MYO1H: variants seen among roughly 807,000 people sequenced by gnomAD.
MYO1H encodes myosin IH.
A neutral mutation model predicts 149.3 loss-of-function variants in MYO1H; 118 were observed. That is an observed-to-expected ratio of 0.79 (90% confidence interval 0.68 to 0.92). The LOEUF is 0.92. Ranked by LOEUF, MYO1H falls within the 40% of genes least tolerant of loss-of-function variation. MYO1H has a pLI of 0.00. For synonymous variants in MYO1H, 447 were observed against 465.2 expected (o/e 0.96, Z 0.50); for missense variants, 1,212 against 1,280.7 (o/e 0.95, Z 0.82).
chr12:109,385,589 C>T (rs1357432705), intron 1 of MYO1H, among the ~76,000 whole-genome samples: 1 of 152,196 alleles, frequency 6.6e-6, no homozygotes, highest in Non-Finnish European at 1.5e-5. Context: ...CTACCACGCC[C>T]AGCCTGAAAT....
At chr12:109,320,802 A>G in the MYO1H span, among the ~76,000 whole-genome samples, 1 of 152,072 alleles carries the variant, frequency 6.6e-6, no homozygotes, top group African/African-American at 2.4e-5. Context: ...GTTAAAGAAG[A>G]TCCTCGGCTG....
the MYO1H span, among the ~76,000 whole-genome samples, chr12:109,339,316 G>A: frequency 2.6e-5 from 4 of 152,160 alleles, no homozygotes; most frequent in African/African-American, 9.7e-5. Context: ...AATGAGCCAA[G>A]ATAGCACCAT....
chr12:109,325,909 T>C, the MYO1H span, among the ~76,000 whole-genome samples: 1 of 152,138 alleles, frequency 6.6e-6, no homozygotes, highest in African/African-American at 2.4e-5. Flanking sequence ...TATTAAAAAG[T>C]CAGGAAACAA....
upstream of MYO1H, among the ~76,000 whole-genome samples, chr12:109,343,349 C>T (rs1295622145): frequency 6.6e-6 from 1 of 152,052 alleles, no homozygotes; most frequent in African/African-American, 2.4e-5. Flanking sequence ...ATCAACAAAA[C>T]GAAATCATGT....
intron 14 of MYO1H, among the ~76,000 whole-genome samples, chr12:109,413,217 T>A (rs1280039552): frequency 6.6e-6 from 1 of 152,062 alleles, no homozygotes; most frequent in Non-Finnish European, 1.5e-5. Context: ...TCAAGTGATC[T>A]GCCCACCTCA....
At position 109,406,042 on chromosome 12, in the gene MYO1H, C is replaced by G. The variant is rs1360200452; in HGVS notation, c.963+7C>G. ...GATCAAGTGGATAGCCAAGGTGATG[C>G]TCCTCTTTTGGAGAGGACAGAAGGA... is the stretch of plus-strand genomic sequence containing the variant. On this transcript the variant is annotated splice_region_variant and intron_variant, in intron 8 of 31. Coordinates refer to ENST00000310903, the Ensembl canonical transcript of MYO1H. The G allele has an allele frequency of 6.3e-7, 1 of 1,596,320 alleles. No homozygotes were observed. Among genetic ancestry groups the G allele is most frequent in the Admixed American group, 1.7e-5 (1 of 59,888 alleles).
chr12:109,369,540 T>C (rs1868938587), intron 1 of MYO1H, among the ~76,000 whole-genome samples: 1 of 151,750 alleles, frequency 6.6e-6, no homozygotes, highest in Non-Finnish European at 1.5e-5. Flanking sequence ...GTATTAATGA[T>C]AATATTTAAA....
At chr12:109,315,016 C>T in the MYO1H span, among the ~76,000 whole-genome samples, 1 of 152,136 alleles carries the variant, frequency 6.6e-6, no homozygotes, top group Non-Finnish European at 1.5e-5. Flanking sequence ...GTAGGAGGAT[C>T]GCTTGAGCCC....
intron 24 of MYO1H, chr12:109,440,508 G>A (rs1212604739): frequency 1.3e-5 from 6 of 476,040 alleles, no homozygotes; most frequent in African/African-American, 2.0e-5. Context: ...TCTCATTATA[G>A]CCAGTTCTGC....
At chr12:109,351,722 A>C (rs895298519) in intron 1 of MYO1H, among the ~76,000 whole-genome samples, 6 of 152,178 alleles carry the variant, frequency 3.9e-5, no homozygotes, top group African/African-American at 1.4e-4. Context: ...AATCACATTT[A>C]TGTCCCTGTT....
chr12:109,344,920 A>G (rs751742248), upstream of MYO1H, among the ~76,000 whole-genome samples: 1 of 152,226 alleles, frequency 6.6e-6, no homozygotes, highest in Non-Finnish European at 1.5e-5. Context: ...GACATGCCAC[A>G]TGCAATGTTA....
At chr12:109,366,866 A>G (rs977320291) in intron 1 of MYO1H, among the ~76,000 whole-genome samples, 1 of 152,248 alleles carries the variant, frequency 6.6e-6, no homozygotes, top group African/African-American at 2.4e-5. Flanking sequence ...CCAAAAATGC[A>G]AAATGCCCGC....
intron 1 of MYO1H, among the ~76,000 whole-genome samples, chr12:109,368,640 TAAA>T (rs56146617): frequency 0.066 from 7,441 of 113,160 alleles, 713 homozygotes; most frequent in African/African-American, 0.22. Flanking sequence ...GACTCCATCT[TAAA>T]AAAAAAAAAA....
intron 20 of MYO1H, among the ~76,000 whole-genome samples, chr12:109,434,749 A>G (rs1871786059): frequency 6.6e-6 from 1 of 152,122 alleles, no homozygotes. Flanking sequence ...GGCTCCTGGC[A>G]TTGCTTAGCT....
intron 14 of MYO1H, 64 bp downstream of exon 14, chr12:109,412,049 T>C (rs1870700177): frequency 8.7e-7 from 1 of 1,153,896 alleles, no homozygotes; most frequent in Non-Finnish European, 1.2e-6. Flanking sequence ...TTTTCTTTAG[T>C]ATTTGGATAA....
At chr12:109,413,083 T>C (rs1354829644) in intron 14 of MYO1H, among the ~76,000 whole-genome samples, 1 of 152,092 alleles carries the variant, frequency 6.6e-6, no homozygotes, top group African/African-American at 2.4e-5. Flanking sequence ...TTCAAGTGAT[T>C]CTGCTTCAGC....
the MYO1H span, among the ~76,000 whole-genome samples, chr12:109,311,712 T>C: frequency 1.3e-5 from 2 of 152,248 alleles, no homozygotes; most frequent in African/African-American, 4.8e-5. Context: ...CATAGCTTCA[T>C]TACACATTAT....
intron 15 of MYO1H, among the ~76,000 whole-genome samples, chr12:109,420,230 T>A (rs1262320656): frequency 1.3e-5 from 2 of 152,122 alleles, no homozygotes; most frequent in Non-Finnish European, 2.9e-5. Context: ...CTCATCAGGA[T>A]TGAGTATAGC....
intron 9 of MYO1H, 37 bp downstream of exon 9, chr12:109,406,897 C>CCTGCTG (rs531067217): frequency 1.9e-6 from 3 of 1,578,386 alleles, no homozygotes; most frequent in Non-Finnish European, 2.6e-6. Flanking sequence ...GCCAGCCCTC[C>CCTGCTG]CTGCTGCTGC....
Sources: gnomAD v4.1 joint callset for allele counts (sites outside exome capture counted in the v4.1 genomes callset) on GRCh38, gnomAD v4.1.1 for gene constraint, MANE v1.5 for transcripts, NCBI Gene and HGNC (gene_info 2026-07-23, HGNC 2026-07-21) for gene names.